The following RDX variants were observed in gnomAD, a reference collection of about 807,000 sequenced individuals.
RDX encodes the protein radixin.
In RDX, 32 loss-of-function variants were observed where a neutral mutation model predicts 83.7. The observed-to-expected ratio is 0.38, with a 90% CI of 0.29 to 0.51. The LOEUF (loss-of-function observed/expected upper bound fraction) is 0.51. Among genes scored for constraint, RDX ranks in the 20% least tolerant of loss-of-function variants. The pLI is 0.87. For missense variants in RDX, 600 were observed against 689.9 expected, an observed-to-expected ratio of 0.87 and a Z score of 1.46; for synonymous variants, 229 against 222.7, an observed-to-expected ratio of 1.03 and a Z score of -0.25.
In RDX at chr11:110,255,393, A is replaced by C. The variant is rs1028437762; in HGVS notation, c.699-8T>G. On this transcript the variant is annotated splice_region_variant and splice_polypyrimidine_tract_variant and intron_variant, in intron 7 of 13. Coordinates refer to ENST00000645495, the MANE Select transcript of RDX (RefSeq NM_002906.4). ...CCAATTTTAGGTGTTAACCTTAAAA[A>C]ATGAAAGCATCTCCTTAATTAAAGG... 3 of 1,370,468 alleles carry C rather than the reference A, an allele frequency of 2.2e-6. No individual in the cohort carries two copies. The highest frequency in any genetic ancestry group is 1.8e-4 in the Middle Eastern group (1 of 5,594). The allele number at this position is 1,370,468 out of a possible 1,614,324, so 84.9% of individuals were successfully genotyped here.
chr11:110,281,339 G>C (rs1027918750), intron 1 of RDX, among the ~76,000 whole-genome samples: 1 of 116,848 alleles, frequency 8.6e-6, no homozygotes, highest in Admixed American at 8.9e-5. Context: ...TTTTTTTTTT[G>C]AGATGGAGTC....
At chr11:110,267,123 T>G (rs1220442544) in intron 3 of RDX, among the ~76,000 whole-genome samples, 2 of 152,106 alleles carry the variant, frequency 1.3e-5, no homozygotes. Context: ...AGGCTGGTCT[T>G]GACCTCCTGA....
At chr11:110,266,114 G>A (rs1860032469) in intron 3 of RDX, among the ~76,000 whole-genome samples, 1 of 151,736 alleles carries the variant, frequency 6.6e-6, no homozygotes, top group Non-Finnish European at 1.5e-5. Context: ...CACAAAGTCA[G>A]GAGATCAAGA....
At chr11:110,185,506 C>A (rs1862968886) in intron 15 of RDX, 1 of 152,078 alleles carries the variant, frequency 6.6e-6, no homozygotes, top group Admixed American at 6.6e-5. Flanking sequence ...AATGCAAATT[C>A]TTGGGCCCCA....
At chr11:110,189,691 G>C (rs1201998465) in intron 15 of RDX, among the ~76,000 whole-genome samples, 1 of 152,126 alleles carries the variant, frequency 6.6e-6, no homozygotes, top group African/African-American at 2.4e-5. Flanking sequence ...ACAGAAATCA[G>C]TACAAAGAAG....
chr11:110,195,497 C>T (rs900295562), intron 15 of RDX: 1 of 152,244 alleles, frequency 6.6e-6, no homozygotes, highest in African/African-American at 2.4e-5. Flanking sequence ...TGAGATGGGG[C>T]AGGCAAGCAA....
intron 10 of RDX, among the ~76,000 whole-genome samples, chr11:110,239,655 G>T (rs532047795): frequency 4.9e-4 from 74 of 152,146 alleles, no homozygotes; most frequent in African/African-American, 1.7e-3. Flanking sequence ...AAAATGGCTT[G>T]TATCAAAAAG....
chr11:110,187,118 A>G (rs1368338297), intron 15 of RDX, among the ~76,000 whole-genome samples: 1 of 152,174 alleles, frequency 6.6e-6, no homozygotes, highest in African/African-American at 2.4e-5. Context: ...CTGCATGTGT[A>G]ATTACTGGGT....
chr11:110,190,671 A>T (rs1461891267), intron 15 of RDX, among the ~76,000 whole-genome samples: 8 of 152,164 alleles, frequency 5.3e-5, no homozygotes, highest in Admixed American at 5.2e-4. Flanking sequence ...TATTTGAAAG[A>T]ATAAAAATAA....
intron 1 of RDX, among the ~76,000 whole-genome samples, chr11:110,286,556 T>C (rs1016839562): frequency 6.6e-6 from 1 of 152,266 alleles, no homozygotes; most frequent in Non-Finnish European, 1.5e-5. Flanking sequence ...ATGCAGTGCC[T>C]GCACTGAAGC....
intron 1 of RDX, among the ~76,000 whole-genome samples, chr11:110,295,718 GAA>G (rs1207282234): frequency 1.3e-5 from 2 of 151,596 alleles, no homozygotes; most frequent in Non-Finnish European, 2.9e-5. Context: ...TCCTTTAAAG[GAA>G]AAGAGGGATA....
At chr11:110,201,047 A>G (rs1328939473) in intron 14 of RDX, among the ~76,000 whole-genome samples, 2 of 152,124 alleles carry the variant, frequency 1.3e-5, no homozygotes, top group East Asian at 3.9e-4. Flanking sequence ...ATGGTGGCGC[A>G]TGCCTGTAAT....
chr11:110,230,066 C>T lies in RDX; in HGVS notation c.*1803G>A, dbSNP rs1486355652. 2.6e-5 allele frequency: 4 copies of T among 152,494 alleles called. No homozygotes were observed. Among genetic ancestry groups the T allele is most frequent in the African/African-American group, 4.8e-5 (2 of 41,424 alleles). 9.4% of individuals were successfully genotyped at this position (152,494 alleles called of 1,614,324 possible). ...TACAAAGTTCAAAAAATATATTAAA[C>T]GCAACCTTTCTTTTACATAATGTCT... On this transcript the variant is annotated 3_prime_UTR_variant, in exon 14 of 14. Transcript: ENST00000645495.
Position 110,261,675 on chromosome 11 carries a change from T to C in RDX, c.467+2285A>G, listed in dbSNP as rs115401607. On this transcript the variant is annotated intron_variant, in intron 5 of 13. Coordinates refer to ENST00000645495, the MANE Select transcript of RDX (RefSeq NM_002906.4). ...GACTAAGTCTCATTTTAAGATAACA[T>C]GGCTTGAATTAGTCCTCCATGGAAT... Among the ~76,000 whole-genome samples, 1,428 of 152,310 alleles carry C rather than the reference T, an allele frequency of 9.4e-3. 30 individuals are homozygous for C. Among genetic ancestry groups the C allele is most frequent in the African/African-American group, 0.033 (1,358 of 41,562 alleles).
chr11:110,264,891 A>G lies in RDX; in HGVS notation c.97-17T>C. 6.3e-7 allele frequency: 1 copy of G among 1,589,358 alleles called. No individual in the cohort carries two copies. Among genetic ancestry groups the G allele is most frequent in the Non-Finnish European group, 8.6e-7 (1 of 1,158,022 alleles). ...TTTCACCACCTAAAACACAACAACAACAAAAAAACACAATTTCAGTCCAAC... is the reference window on the plus strand; with the variant it reads ...TTTCACCACCTAAAACACAACAACAGCAAAAAAACACAATTTCAGTCCAAC... On this transcript the variant is annotated splice_polypyrimidine_tract_variant and intron_variant, in intron 3 of 13. Transcript: ENST00000645495.
intron 10 of RDX, among the ~76,000 whole-genome samples, chr11:110,241,658 A>G (rs1865104777): frequency 6.6e-6 from 1 of 152,210 alleles, no homozygotes; most frequent in Admixed American, 6.5e-5. Flanking sequence ...ACACCCACAA[A>G]GCTCATGGTT....
chr11:110,264,291 C>T (rs1486321233), intron 4 of RDX, 57 bp from the exon 5 acceptor site: 4 of 1,183,756 alleles, frequency 3.4e-6, no homozygotes, highest in Admixed American at 2.4e-5. Flanking sequence ...AATAATTAGA[C>T]CTAGTCACAT....
At chr11:110,263,815 C>T (rs1414719467) in intron 5 of RDX, 145 bp downstream of exon 5, 10 of 686,400 alleles carry the variant, frequency 1.5e-5, no homozygotes, top group Admixed American at 1.4e-4. Context: ...TTGCAGTGGG[C>T]TGAGATCACG....
In RDX at chr11:110,239,216, C is replaced by CA. The variant is rs748146952; in HGVS notation, c.1091-1565_1091-1564insT. 5.2e-3 allele frequency among the ~76,000 whole-genome samples: 699 copies of CA among 134,602 alleles called. 4 individuals are homozygous for CA. Among genetic ancestry groups the CA allele is most frequent in the Middle Eastern group, 7.5e-3 (2 of 268 alleles). 88.3% of individuals were successfully genotyped at this position (134,602 alleles called of 152,430 possible). ...AAGAAAGCAATTCCATTTACCATAGCCAAAAAAAAAAAGTAAAACACCTAG... is the reference window on the plus strand; with the variant it reads ...AAGAAAGCAATTCCATTTACCATAGCACAAAAAAAAAAAGTAAAACACCTAG... On this transcript the variant is annotated intron_variant, in intron 10 of 13. Transcript: ENST00000645495.
Sources: gnomAD v4.1 joint callset for allele counts (sites outside exome capture counted in the v4.1 genomes callset) on GRCh38, gnomAD v4.1.1 for gene constraint, MANE v1.5 for transcripts, NCBI Gene and HGNC (gene_info 2026-07-23, HGNC 2026-07-21) for gene names.